The following KIF3C variants were observed in gnomAD, a reference collection of about 807,000 sequenced individuals.
KIF3C encodes kinesin family member 3C.
In KIF3C, 12 loss-of-function variants were observed where a neutral mutation model predicts 67.7. The observed-to-expected ratio is 0.18, with a 90% CI of 0.11 to 0.29. The LOEUF (loss-of-function observed/expected upper bound fraction) is 0.29, where lower values mean the gene tolerates loss of function less well. KIF3C is among the 10% of genes least tolerant of loss of function. The pLI is 1.00. For missense variants in KIF3C, 789 were observed against 1,059.6 expected, an observed-to-expected ratio of 0.74 and a Z score of 3.55; for synonymous variants, 393 against 426.2, an observed-to-expected ratio of 0.92 and a Z score of 0.96.
At chr2:25,967,672 C>T (rs531785843) in intron 1 of KIF3C, among the ~76,000 whole-genome samples, 2 of 152,166 alleles carry the variant, frequency 1.3e-5, no homozygotes, top group South Asian at 2.1e-4. Context: ...ATTAGCCAGG[C>T]GTAGTATTGT....
At chr2:25,964,127 G>A (rs1434545798) in intron 1 of KIF3C, among the ~76,000 whole-genome samples, 1 of 152,076 alleles carries the variant, frequency 6.6e-6, no homozygotes, top group Non-Finnish European at 1.5e-5. Flanking sequence ...GGCCAACATG[G>A]CAAAATCTCA....
rs1426381084 is a variant in KIF3C, at chr2:25,930,061, C to G, written c.2009G>C (p.Ser670Thr). 1.9e-6 allele frequency: 3 copies of G among 1,612,740 alleles called. No homozygotes were observed. Among genetic ancestry groups the G allele is most frequent in the Non-Finnish European group, 1.7e-6 (2 of 1,178,712 alleles). The change falls in exon 6 of 8, where the codon AGT becomes ACT. Residue 670 changes from serine (S) to threonine (T), a missense_variant and splice_region_variant. Coordinates refer to ENST00000264712, the MANE Select transcript of KIF3C (RefSeq NM_002254.8). ...KFQPLVPAGV[S>T]SSQMKKRPTS... ...TGGCCGCTTCTTCATCTGGCTGCTA[C>G]TGCTGTAGGAAAGAGGCTATATTAG...
intron 4 of KIF3C, among the ~76,000 whole-genome samples, chr2:25,953,417 G>A (rs1278904033): frequency 1.3e-5 from 2 of 151,254 alleles, no homozygotes; most frequent in African/African-American, 4.9e-5. Context: ...CTGGAGTGCA[G>A]TGGCTCCATC....
chr2:25,959,124 A>G lies in KIF3C; in HGVS notation c.1546-2680T>C, dbSNP rs112946986. 1.5e-3 allele frequency among the ~76,000 whole-genome samples: 227 copies of G among 152,228 alleles called. 1 individual carries two copies. The highest frequency in any genetic ancestry group is 5.1e-3 in the African/African-American group (212 of 41,558). On this transcript the variant is annotated intron_variant, in intron 1 of 7. Coordinates refer to ENST00000264712, the MANE Select transcript of KIF3C (RefSeq NM_002254.8). ...CTCCCTCAATGGGCCATGGCATTTC[A>G]CAAGCACCTGGGTTCCTCCTCCCAC...
At chr2:25,950,248 G>C (rs1298859882) in intron 5 of KIF3C, among the ~76,000 whole-genome samples, 2 of 146,060 alleles carry the variant, frequency 1.4e-5, no homozygotes, top group African/African-American at 5.1e-5. Context: ...ACGGAGTCTT[G>C]CTCTTGTTGC....
At position 25,951,835 on chromosome 2, in the gene KIF3C, A is replaced by G; in HGVS notation, c.1960T>C (p.Cys654Arg). ...TGGAACTTCCACTGCTCCTCCTCAC[A>G]GTCCAGGAAAAGCCGGTTCATGATC... ...NKIMNRLFLD[C>R]EEEQWKFQPL... Residue 654 changes from cysteine to arginine, a missense_variant, in exon 5 of 8, where the codon TGT becomes CGT. Around this residue, in one of 2 missense-constraint regions of KIF3C, gnomAD observed 648 missense variants for 807.8 expected, o/e 0.80. Transcript: ENST00000264712. 6.2e-7 allele frequency: 1 copy of G among 1,614,054 alleles called. No homozygotes were observed. The highest frequency in any genetic ancestry group is 8.5e-7 in the Non-Finnish European group (1 of 1,179,960).
intron 4 of KIF3C, among the ~76,000 whole-genome samples, chr2:25,953,946 C>A (rs542589079): frequency 3.3e-5 from 5 of 152,294 alleles, no homozygotes; most frequent in South Asian, 4.1e-4. Context: ...GGATTACAGG[C>A]ATGAGCCACT....
chr2:25,967,422 C>T (rs1664171512), intron 1 of KIF3C, among the ~76,000 whole-genome samples: 1 of 152,210 alleles, frequency 6.6e-6, no homozygotes, highest in Admixed American at 6.5e-5. Flanking sequence ...ACTCTCTTTG[C>T]TACAAAACCT....
chr2:25,949,059 A>G (rs190273454), intron 5 of KIF3C, among the ~76,000 whole-genome samples: 53 of 152,322 alleles, frequency 3.5e-4, no homozygotes, highest in African/African-American at 1.1e-3. Flanking sequence ...TGCCTATATA[A>G]TAATATTGTG....
intron 1 of KIF3C, among the ~76,000 whole-genome samples, chr2:25,963,331 TGAG>T (rs1296211365): frequency 6.8e-6 from 1 of 148,056 alleles, no homozygotes; most frequent in East Asian, 2.0e-4. Flanking sequence ...CTTGGCCTCC[TGAG>T]TAGCTGGGAC....
intron 4 of KIF3C, among the ~76,000 whole-genome samples, chr2:25,952,637 A>C (rs1559552575): frequency 6.6e-6 from 1 of 151,092 alleles, no homozygotes; most frequent in Non-Finnish European, 1.5e-5. Flanking sequence ...AGCTCACTGC[A>C]ACCTCCACCT....
intron 1 of KIF3C, among the ~76,000 whole-genome samples, chr2:25,971,899 T>TA (rs1664294643): frequency 1.5e-5 from 2 of 137,484 alleles, no homozygotes; most frequent in South Asian, 4.6e-4. Context: ...TTTTTTTTTT[T>TA]ACTTTTTTGT....
chr2:25,973,423 G>A (rs1356273322), intron 1 of KIF3C, among the ~76,000 whole-genome samples: 5 of 152,010 alleles, frequency 3.3e-5, no homozygotes, highest in South Asian at 4.1e-4. Context: ...GTGTGGTGGC[G>A]TGCACCTGTA....
intron 5 of KIF3C, among the ~76,000 whole-genome samples, chr2:25,939,300 A>G (rs1256141446): frequency 6.6e-6 from 1 of 152,188 alleles, no homozygotes; most frequent in South Asian, 2.1e-4. Context: ...GGCATCCGAC[A>G]TCATCGGGTG....
chr2:25,942,421 T>C (rs1337953429), intron 5 of KIF3C, among the ~76,000 whole-genome samples: 3 of 149,208 alleles, frequency 2.0e-5, no homozygotes, highest in African/African-American at 5.0e-5. Context: ...AAAAATTTTT[T>C]TTTTTTGAGA....
chr2:25,953,320 A>T (rs1663687285), intron 4 of KIF3C, among the ~76,000 whole-genome samples: 1 of 152,058 alleles, frequency 6.6e-6, no homozygotes, highest in Non-Finnish European at 1.5e-5. Flanking sequence ...TGCAACTACT[A>T]TATACACACA....
At chr2:25,957,135 G>A (rs1270722275) in intron 1 of KIF3C, among the ~76,000 whole-genome samples, 1 of 152,188 alleles carries the variant, frequency 6.6e-6, no homozygotes, top group African/African-American at 2.4e-5. Context: ...GGAGCGCTAA[G>A]TATCTATTAG....
At position 25,955,990 on chromosome 2, in the gene KIF3C, T is replaced by C. The variant is rs143504860; in HGVS notation, c.1648-327A>G. ...CTCACCCTCTCCCCAAGTAGTATAA[T>C]GGTTGATTGGTAAGACCAACAAACT... On this transcript the variant is annotated intron_variant, in intron 2 of 7. Coordinates refer to ENST00000264712, the MANE Select transcript of KIF3C (RefSeq NM_002254.8). This position sits in a 1 kb window ranked among gnomAD's most constrained non-coding sequence, Gnocchi z 5.0. Among the ~76,000 whole-genome samples, 155 of 152,340 alleles carry C rather than the reference T, an allele frequency of 1.0e-3. No individual in the cohort carries two copies. Among genetic ancestry groups the C allele is most frequent in the African/African-American group, 3.3e-3 (138 of 41,582 alleles).
chr2:25,945,564 CAAAAAAAAAAAA>C (rs10581291), intron 5 of KIF3C, among the ~76,000 whole-genome samples: 9 of 67,374 alleles, frequency 1.3e-4, no homozygotes, highest in Non-Finnish European at 1.8e-4. Flanking sequence ...GAGAATATCT[CAAAAAAAAAAAA>C]AAAAAAAAAA....
Sources: gnomAD v4.1 joint callset for allele counts (sites outside exome capture counted in the v4.1 genomes callset) on GRCh38, gnomAD v4.1.1 for gene constraint, gnomAD v4.1.1 regional missense constraint, Gnocchi (gnomAD v3.1) non-coding constraint, MANE v1.5 for transcripts, NCBI Gene and HGNC (gene_info 2026-07-23, HGNC 2026-07-21) for gene names.